Variants in UTRN observed in about 807,000 individuals in gnomAD.
UTRN encodes dystrophin-related protein 1.
In UTRN, 283 loss-of-function variants were observed where a neutral mutation model predicts 463.9. That is an observed-to-expected ratio of 0.61 (90% CI 0.55 to 0.67). The LOEUF (loss-of-function observed/expected upper bound fraction) is 0.67. Ranked by LOEUF, UTRN falls within the 30% of genes least tolerant of loss-of-function variation. The probability of loss-of-function intolerance (pLI) is 0.00; values close to 1 mark genes in which losing one functional copy is unlikely to be tolerated. For missense variants in UTRN, 3,922 were observed against 4,084.3 expected (o/e 0.96, Z 1.08); for synonymous variants, 1,442 against 1,431.5 (o/e 1.01, Z -0.17).
At chr6:144,527,406 T>C (rs191062247) in intron 41 of UTRN, among the ~76,000 whole-genome samples, 3 of 152,356 alleles carry the variant, frequency 2.0e-5, no homozygotes, top group African/African-American at 7.2e-5. Context: ...TACCTGATGC[T>C]TTTGCCTCAC....
intron 2 of UTRN, among the ~76,000 whole-genome samples, chr6:144,297,061 A>C (rs971650055): frequency 2.0e-5 from 3 of 151,968 alleles, no homozygotes; most frequent in Admixed American, 6.6e-5. Flanking sequence ...TCTTCTGACT[A>C]CTGCTCAAGG....
chr6:144,550,850 ACTATGCC>A (rs1798844489), intron 47 of UTRN, 108 bp from the exon 48 acceptor site: 1 of 762,328 alleles, frequency 1.3e-6, no homozygotes, highest in Non-Finnish European at 2.0e-6. Context: ...CTGATGCTTC[ACTATGCC>A]ATAGAGGAGG....
At chr6:144,502,037 G>T (rs1794234756) in intron 34 of UTRN, among the ~76,000 whole-genome samples, 1 of 151,700 alleles carries the variant, frequency 6.6e-6, no homozygotes, top group Non-Finnish European at 1.5e-5. Flanking sequence ...TCAATGCTTA[G>T]TGAGTTGTGT....
rs1795665051 is a variant in UTRN, at chr6:144,516,957, A to T, written c.5541+9A>T. ...GATACAACAAAATTAAGGTATTATG[A>T]TTGGAGAGTCTCTGTTGCATTTAAA... On this transcript the variant is annotated intron_variant, in intron 39 of 74. Transcript: ENST00000367545. The T allele has an allele frequency of 6.9e-7, 1 of 1,458,620 alleles. No homozygotes were observed. Among genetic ancestry groups the T allele is most frequent in the Non-Finnish European group, 9.0e-7 (1 of 1,108,996 alleles). 90.4% of individuals were successfully genotyped at this position (1,458,620 alleles called of 1,614,324 possible).
chr6:144,551,413 T>G (rs1798909921), intron 48 of UTRN, among the ~76,000 whole-genome samples: 1 of 152,234 alleles, frequency 6.6e-6, no homozygotes, highest in Admixed American at 6.5e-5. Context: ...CTCACAAGAA[T>G]GCAAATCCTT....
intron 2 of UTRN, among the ~76,000 whole-genome samples, chr6:144,296,165 C>T (rs973716731): frequency 5.3e-5 from 8 of 152,326 alleles, no homozygotes; most frequent in Admixed American, 1.3e-4. Flanking sequence ...GGTACCAGTC[C>T]GTTGCCTGTT....
chr6:144,463,990 A>AAT (rs894329343), intron 23 of UTRN, among the ~76,000 whole-genome samples: 1 of 151,210 alleles, frequency 6.6e-6, no homozygotes, highest in African/African-American at 2.4e-5. Flanking sequence ...ATGTAGATAC[A>AAT]ATATATATAT....
rs776385016 is a variant in UTRN, at chr6:144,487,574, G to A, written c.3849G>A (p.Pro1283=). The part of the protein sequence containing the change: ...LESLESVLRH[P]ADNRTQIREL... ...CTCTGGAATCTGTTCTGCGCCACCCGGCAGATAATCGCACCCAGATTCGAG... is the reference window on the plus strand; with the variant it reads ...CTCTGGAATCTGTTCTGCGCCACCCAGCAGATAATCGCACCCAGATTCGAG... The change falls in exon 29 of 75, where the codon CCG becomes CCA. Residue 1283 remains proline (P), a synonymous_variant. Coordinates refer to ENST00000367545, the MANE Select transcript of UTRN (RefSeq NM_007124.3). 1.9e-5 allele frequency: 30 copies of A among 1,612,088 alleles called. No homozygotes were observed. In the East Asian group the frequency reaches 2.5e-4, roughly 13 times the overall value.
At chr6:144,787,874 T>A (rs1776419974) in intron 61 of UTRN, among the ~76,000 whole-genome samples, 1 of 152,104 alleles carries the variant, frequency 6.6e-6, no homozygotes, top group African/African-American at 2.4e-5. Flanking sequence ...AATAAAAACC[T>A]AAAATGAAAA....
In UTRN at chr6:144,414,846, G is replaced by A. The variant is rs374921923; in HGVS notation, c.142-7032G>A. The stretch of plus-strand genomic sequence containing the variant: ...TTCTCCTGCCTCAGCCTCCTGCGTA[G>A]CTGGGATTACAAGTGTGCACCACCA... On this transcript the variant is annotated intron_variant, in intron 3 of 74. Transcript: ENST00000367545. Among the ~76,000 whole-genome samples the A allele has an allele frequency of 1.3e-4, 20 of 152,098 alleles. No individual in the cohort carries two copies. In the East Asian group the frequency reaches 2.5e-3, roughly 19 times the overall value.
At chr6:144,777,141 T>G (rs1217022427) in intron 60 of UTRN, among the ~76,000 whole-genome samples, 1 of 152,154 alleles carries the variant, frequency 6.6e-6, no homozygotes, top group Non-Finnish European at 1.5e-5. Flanking sequence ...CAGGGGTTGC[T>G]TAGGACACAC....
intron 52 of UTRN, among the ~76,000 whole-genome samples, chr6:144,679,702 G>A (rs985328121): frequency 2.0e-5 from 3 of 152,126 alleles, no homozygotes; most frequent in Non-Finnish European, 2.9e-5. Flanking sequence ...GGGGCTCACT[G>A]GATCTGCCTC....
chr6:144,498,569 T>C (rs546917733), intron 33 of UTRN, among the ~76,000 whole-genome samples: 9 of 152,322 alleles, frequency 5.9e-5, no homozygotes, highest in African/African-American at 2.2e-4. Context: ...CTAAGATATC[T>C]TATGTTCAAA....
At chr6:144,743,550 G>C (rs1043564868) in intron 54 of UTRN, among the ~76,000 whole-genome samples, 1 of 152,158 alleles carries the variant, frequency 6.6e-6, no homozygotes, top group Non-Finnish European at 1.5e-5. Context: ...TGAGAAAATA[G>C]GGTTTGCACT....
chr6:144,659,472 CAG>C (rs1367242522), intron 51 of UTRN, among the ~76,000 whole-genome samples: 1 of 152,210 alleles, frequency 6.6e-6, no homozygotes, highest in Non-Finnish European at 1.5e-5. Context: ...TCTGGACAGA[CAG>C]AACACCTTTT....
intron 50 of UTRN, among the ~76,000 whole-genome samples, chr6:144,575,563 AAGAG>A (rs924506529): frequency 6.6e-5 from 10 of 152,294 alleles, no homozygotes; most frequent in Admixed American, 2.6e-4. Context: ...AATCTTGAGA[AAGAG>A]AGAGATCACA....
At chr6:144,837,687 TC>T (rs1422518144) in intron 71 of UTRN, among the ~76,000 whole-genome samples, 6 of 152,236 alleles carry the variant, frequency 3.9e-5, no homozygotes, top group Non-Finnish European at 7.3e-5. Flanking sequence ...AACTGCCTTT[TC>T]ACAGTTGCTC....
At chr6:144,318,962 G>A (rs572436106) in intron 2 of UTRN, among the ~76,000 whole-genome samples, 3 of 152,300 alleles carry the variant, frequency 2.0e-5, no homozygotes, top group East Asian at 3.9e-4. Context: ...CCAGCTACTT[G>A]GGAGGCTGAG....
chr6:144,646,984 T>C (rs142882013), intron 51 of UTRN, among the ~76,000 whole-genome samples: 3 of 152,286 alleles, frequency 2.0e-5, no homozygotes, highest in Non-Finnish European at 4.4e-5. Flanking sequence ...CAGTCTGCTC[T>C]TGCTATGCTA....
Sources: allele counts gnomAD v4.1 joint callset (sites outside exome capture counted in the v4.1 genomes callset), GRCh38; gene constraint gnomAD v4.1.1; transcripts MANE v1.5; gene names NCBI Gene and HGNC (gene_info 2026-07-23, HGNC 2026-07-21).